SETBP1: variants seen among roughly 807,000 people sequenced by gnomAD.
The protein encoded by SETBP1 is SET-binding protein.
Under a neutral mutation model 101.0 loss-of-function variants are expected in SETBP1, and 9 were observed. The ratio of observed to expected loss-of-function variants is 0.09; its 90% CI spans 0.05 to 0.16. The LOEUF (loss-of-function observed/expected upper bound fraction) is 0.16, where lower values mean the gene tolerates loss of function less well. SETBP1 is among the 10% of genes least tolerant of loss of function. The pLI is 1.00. For synonymous variants in SETBP1, 818 were observed against 788.5 expected, an observed-to-expected ratio of 1.04 and a Z score of -0.63; for missense variants, 1,858 against 2,033.8, an observed-to-expected ratio of 0.91 and a Z score of 1.66.
intron 4 of SETBP1, among the ~76,000 whole-genome samples, chr18:44,983,417 AC>A (rs2072158270): frequency 6.6e-6 from 1 of 152,068 alleles, no homozygotes; most frequent in Non-Finnish European, 1.5e-5. Context: ...GGACACTCTT[AC>A]CCCCATTATA....
At chr18:44,688,407 TG>T (rs1258723640) in intron 1 of SETBP1, among the ~76,000 whole-genome samples, 1 of 152,048 alleles carries the variant, frequency 6.6e-6, no homozygotes, top group African/African-American at 2.4e-5. Flanking sequence ...GAAATCTGCG[TG>T]GCAAGTCCTG....
intron 3 of SETBP1, among the ~76,000 whole-genome samples, chr18:44,922,507 A>T (rs1164826790): frequency 6.6e-6 from 1 of 152,152 alleles, no homozygotes; most frequent in South Asian, 2.1e-4. Context: ...TGGAATGTAA[A>T]GTGTTGGTGT....
At position 45,067,258 on chromosome 18, in the gene SETBP1, T is replaced by A. The variant is rs532900825; in HGVS notation, c.*3560T>A. ...GTGGTGACAGAATTATAGTATAAGG[T>A]GATGTACTACATGCAGATCATAAAG... On this transcript the variant is annotated 3_prime_UTR_variant, in exon 6 of 6. Transcript: ENST00000649279. 6.6e-6 allele frequency: 1 copy of A among 152,280 alleles called. No homozygotes were observed. The highest frequency in any genetic ancestry group is 2.1e-4 in the South Asian group (1 of 4,818). 9.4% of individuals were successfully genotyped at this position (152,280 alleles called of 1,614,324 possible). A position where few individuals can be genotyped will look rare whatever the true frequency, so the allele number is the denominator to read the frequency against.
At position 44,701,515 on chromosome 18, in the gene SETBP1, C is replaced by G; in HGVS notation, c.169C>G (p.Pro57Ala). The change falls in exon 2 of 6, where the codon CCA becomes GCA. Residue 57 changes from proline to alanine, a missense_variant. Pro to Ala is a conservative substitution (Grantham distance 27, BLOSUM62 -1). Transcript: ENST00000649279. ...CCCGGTGGGCGGAGAGCGCATGGAG[C>G]CAGAGGAGGAGGATGAACTAGGCTC... ...GIPVGGERME[P>A]EEEDELGSGR... is the part of the protein sequence containing the mutation. 1 of 1,613,824 alleles carries G rather than the reference C, an allele frequency of 6.2e-7. No homozygotes were observed. The highest frequency in any genetic ancestry group is 1.1e-5 in the South Asian group (1 of 91,042).
At chr18:44,721,692 T>G (rs2069600838) in intron 2 of SETBP1, among the ~76,000 whole-genome samples, 1 of 152,204 alleles carries the variant, frequency 6.6e-6, no homozygotes, top group African/African-American at 2.4e-5. Flanking sequence ...TTACCCGCTT[T>G]AAATATGACC....
intron 4 of SETBP1, among the ~76,000 whole-genome samples, chr18:44,978,562 G>T (rs2072042131): frequency 6.6e-6 from 1 of 152,058 alleles, no homozygotes; most frequent in Non-Finnish European, 1.5e-5. Context: ...AGGTGGACTG[G>T]GTTAAATGTG....
At chr18:44,904,415 T>C (rs180896775) in intron 3 of SETBP1, among the ~76,000 whole-genome samples, 1 of 152,202 alleles carries the variant, frequency 6.6e-6, no homozygotes, top group Non-Finnish European at 1.5e-5. Context: ...CCTGCTCTTG[T>C]AAGTATAATG....
In SETBP1 at chr18:45,067,526, T is replaced by A. The variant is rs2073984481; in HGVS notation, c.*3828T>A. On this transcript the variant is annotated 3_prime_UTR_variant, in exon 6 of 6. Coordinates refer to ENST00000649279, the MANE Select transcript of SETBP1 (RefSeq NM_015559.3). ...AAGTGTTACGTTGCAGGATTTTCAG[T>A]CCTTCTCGTTATGTAAAAGTAGATA... 1 of 152,202 alleles carries A rather than the reference T, an allele frequency of 6.6e-6. No homozygotes were observed. The highest frequency in any genetic ancestry group is 6.5e-5 in the Admixed American group (1 of 15,284). The allele number at this position is 152,202 out of a possible 1,614,324, so 9.4% of individuals were successfully genotyped here. A position where few individuals can be genotyped will look rare whatever the true frequency, so the allele number is the denominator to read the frequency against.
chr18:44,911,862 C>T (rs1391317460), intron 3 of SETBP1, among the ~76,000 whole-genome samples: 1 of 152,154 alleles, frequency 6.6e-6, no homozygotes, highest in African/African-American at 2.4e-5. Context: ...ATGTGTAAGC[C>T]TTCGTATTTA....
chr18:44,921,378 T>C (rs2070575838), intron 3 of SETBP1, among the ~76,000 whole-genome samples: 1 of 152,216 alleles, frequency 6.6e-6, no homozygotes, highest in Non-Finnish European at 1.5e-5. Flanking sequence ...CTTAGCCTTA[T>C]GAGCCCTGAG....
At chr18:44,868,667 C>CAA (rs2069182939) in intron 2 of SETBP1, among the ~76,000 whole-genome samples, 1 of 87,128 alleles carries the variant, frequency 1.1e-5, no homozygotes, top group Admixed American at 1.2e-4. Flanking sequence ...TGTACTCCAG[C>CAA]GAGAGAGAGA....
intron 5 of SETBP1, among the ~76,000 whole-genome samples, chr18:45,048,148 G>A (rs754430578): frequency 1.1e-4 from 16 of 152,186 alleles, no homozygotes; most frequent in Non-Finnish European, 2.1e-4. Flanking sequence ...TGAAATTCAA[G>A]GGTCAGGGTT....
At chr18:44,756,674 C>A (rs1032313181) in intron 2 of SETBP1, among the ~76,000 whole-genome samples, 2 of 152,202 alleles carry the variant, frequency 1.3e-5, no homozygotes, top group African/African-American at 4.8e-5. Context: ...CTCTTCCCTC[C>A]CCTCCTCAGC....
chr18:45,014,302 T>C (rs1447542273), intron 4 of SETBP1, among the ~76,000 whole-genome samples: 1 of 152,156 alleles, frequency 6.6e-6, no homozygotes, highest in Non-Finnish European at 1.5e-5. Context: ...GTTTAGTTTG[T>C]GGGCCACAGA....
At chr18:45,015,268 C>A (rs1013857613) in intron 4 of SETBP1, among the ~76,000 whole-genome samples, 9 of 152,204 alleles carry the variant, frequency 5.9e-5, no homozygotes, top group Non-Finnish European at 1.0e-4. Context: ...GGGGTCTGGG[C>A]AAGATGGGTT....
intron 1 of SETBP1, among the ~76,000 whole-genome samples, chr18:44,700,031 G>T (rs145539099): frequency 7.3e-4 from 111 of 152,294 alleles, no homozygotes; most frequent in Middle Eastern, 3.4e-3. Context: ...GTGTTCAGCA[G>T]CTGAGAAAGC....
chr18:45,063,512 A>G lies in SETBP1; in HGVS notation c.4605A>G (p.Pro1535=). 1.5e-6 allele frequency: 1 copy of G among 674,740 alleles called. No homozygotes were observed. Among genetic ancestry groups the G allele is most frequent in the Non-Finnish European group, 1.8e-6 (1 of 558,354 alleles). The allele number at this position is 674,740 out of a possible 1,614,324, so 41.8% of individuals were successfully genotyped here. Residue 1535 remains proline (P), a synonymous_variant, in exon 6 of 6, where the codon CCA becomes CCG. Coordinates refer to ENST00000649279, the MANE Select transcript of SETBP1 (RefSeq NM_015559.3). The part of the protein sequence containing the change: ...PPPPPLPPPP[P]PPLPPPPPLP... ...CGCCGCCCCTGCCGCCACCGCCGCC[A>G]CCACCCCTGCCCCCGCCACCCCCTC... is the stretch of plus-strand genomic sequence containing the variant.
chr18:44,779,689 C>T (rs1462189605), intron 2 of SETBP1, among the ~76,000 whole-genome samples: 2 of 152,076 alleles, frequency 1.3e-5, no homozygotes, highest in Non-Finnish European at 2.9e-5. Context: ...AAAGGGAGGC[C>T]TTGAGAAAAC....
At chr18:44,891,128 T>C (rs2069759440) in intron 3 of SETBP1, among the ~76,000 whole-genome samples, 1 of 152,128 alleles carries the variant, frequency 6.6e-6, no homozygotes, top group South Asian at 2.1e-4. Context: ...AGATAGCTTG[T>C]GCAGAGAAAC....
Sources: gnomAD v4.1 joint callset for allele counts (sites outside exome capture counted in the v4.1 genomes callset) on GRCh38, gnomAD v4.1.1 for gene constraint, MANE v1.5 for transcripts, NCBI Gene and HGNC (gene_info 2026-07-23, HGNC 2026-07-21) for gene names.